The following KLF8 variants were observed in gnomAD, a reference collection of about 807,000 sequenced individuals.
KLF8 encodes the protein Krueppel-like factor 8.
In KLF8, 10 loss-of-function variants were observed where a neutral mutation model predicts 18.2. That is an observed-to-expected ratio of 0.55 (90% confidence interval 0.34 to 0.93). KLF8 has a LOEUF of 0.93. Ranked by LOEUF, KLF8 falls within the 40% of genes least tolerant of loss-of-function variation. The probability of loss-of-function intolerance (pLI) is 0.02; values close to 1 mark genes in which losing one functional copy is unlikely to be tolerated. For missense variants in KLF8, 264 were observed against 277.9 expected (o/e 0.95, Z 0.36); for synonymous variants, 109 against 97.3 (o/e 1.12, Z -0.71).
the KLF8 span, among the ~76,000 whole-genome samples, chrX:56,019,163 G>A: frequency 8.9e-6 from 1 of 112,016 alleles, no homozygotes; most frequent in Admixed American, 9.5e-5. Context: ...AAAAAAAATA[G>A]TAACAGCCAG....
chrX:56,029,534 C>T, the KLF8 span, among the ~76,000 whole-genome samples: 5 of 111,177 alleles, frequency 4.5e-5, no homozygotes, highest in African/African-American at 1.6e-4. Context: ...ACGGTATTGA[C>T]CAAAAACTTA....
the KLF8 span, among the ~76,000 whole-genome samples, chrX:55,934,295 C>G: frequency 9.0e-6 from 1 of 111,475 alleles, no homozygotes; most frequent in Non-Finnish European, 1.9e-5. Flanking sequence ...CTATATTTTC[C>G]TCTTAGCACC....
the KLF8 span, among the ~76,000 whole-genome samples, chrX:56,183,638 A>C: frequency 1.8e-5 from 2 of 111,109 alleles, no homozygotes; most frequent in African/African-American, 6.6e-5. Context: ...TGGTAACCTC[A>C]AGTAAAAAAA....
chrX:56,014,820 T>TG, the KLF8 span: 1 of 93,720 alleles, frequency 1.1e-5, no homozygotes, highest in Non-Finnish European at 2.1e-5. Flanking sequence ...AGATCATGTT[T>TG]TTTTTTTTTT....
At chrX:56,077,485 T>C in the KLF8 span, among the ~76,000 whole-genome samples, 2 of 111,955 alleles carry the variant, frequency 1.8e-5, no homozygotes, top group Non-Finnish European at 3.8e-5. Flanking sequence ...GGCTCTATTC[T>C]GTTCCATTGA....
the KLF8 span, among the ~76,000 whole-genome samples, chrX:56,185,829 G>T: frequency 1.8e-5 from 2 of 111,707 alleles, no homozygotes; most frequent in Non-Finnish European, 3.8e-5. Flanking sequence ...AATGCTGAGA[G>T]ATTTTGTCAC....
chrX:56,274,107 A>G (rs1219632706), intron 5 of KLF8, among the ~76,000 whole-genome samples: 1 of 112,036 alleles, frequency 8.9e-6, no homozygotes, highest in Admixed American at 9.5e-5. Flanking sequence ...ATTGTTCTCT[A>G]TAGTGATTGT....
At chrX:56,011,322 C>G in the KLF8 span, among the ~76,000 whole-genome samples, 2 of 112,202 alleles carry the variant, frequency 1.8e-5, no homozygotes, top group Non-Finnish European at 3.8e-5. Context: ...GTAATTCACT[C>G]AAAACCACAC....
the KLF8 span, among the ~76,000 whole-genome samples, chrX:56,091,338 A>G: frequency 9.1e-6 from 1 of 110,449 alleles, no homozygotes; most frequent in African/African-American, 3.3e-5. Context: ...ATCCACCATG[A>G]TTTTAAGTTT....
chrX:56,107,876 A>C, the KLF8 span, among the ~76,000 whole-genome samples: 1 of 111,578 alleles, frequency 9.0e-6, no homozygotes, highest in Non-Finnish European at 1.9e-5. Context: ...GGTCCTCTTT[A>C]ATTTCTTTTA....
intron 2 of KLF8, among the ~76,000 whole-genome samples, chrX:56,262,925 C>T (rs1656031230): frequency 8.9e-6 from 1 of 112,013 alleles, no homozygotes; most frequent in Non-Finnish European, 1.9e-5. Flanking sequence ...GCCCGCCCTA[C>T]ACTGAACCTC....
chrX:56,245,881 A>G (rs1345389432), intron 1 of KLF8, among the ~76,000 whole-genome samples: 2 of 112,447 alleles, frequency 1.8e-5, no homozygotes. Flanking sequence ...TCTTCAAAAA[A>G]AAACAGAGCC....
intron 1 of KLF8, among the ~76,000 whole-genome samples, chrX:56,235,900 A>G (rs1297393364): frequency 8.9e-6 from 1 of 112,301 alleles, no homozygotes; most frequent in Non-Finnish European, 1.9e-5. Context: ...GTTATTTAAA[A>G]AAATTTGTTT....
the KLF8 span, among the ~76,000 whole-genome samples, chrX:55,983,000 T>A: frequency 2.2e-4 from 25 of 111,812 alleles, no homozygotes; most frequent in Admixed American, 2.2e-3. Context: ...ATCTTATTTT[T>A]CAAGTCAACG....
chrX:56,260,040 T>G (rs1292606244), intron 2 of KLF8, among the ~76,000 whole-genome samples: 1 of 110,983 alleles, frequency 9.0e-6, no homozygotes, highest in Non-Finnish European at 1.9e-5. Flanking sequence ...CTCTTCCAGC[T>G]TCTGGTACAT....
At chrX:56,145,474 A>G in the KLF8 span, among the ~76,000 whole-genome samples, 3 of 112,694 alleles carry the variant, frequency 2.7e-5, no homozygotes, top group Admixed American at 2.8e-4. Flanking sequence ...AGAAGAATTG[A>G]AAACAAATGT....
At chrX:56,138,975 G>A in the KLF8 span, among the ~76,000 whole-genome samples, 3 of 111,163 alleles carry the variant, frequency 2.7e-5, no homozygotes, top group South Asian at 7.6e-4. Flanking sequence ...GAAGGTTTTA[G>A]CCTACAAAAT....
At chrX:56,081,011 A>G in the KLF8 span, among the ~76,000 whole-genome samples, 2 of 110,407 alleles carry the variant, frequency 1.8e-5, no homozygotes, top group African/African-American at 6.6e-5. Flanking sequence ...AGCTCCTTTA[A>G]GCACTTCTCT....
At chrX:56,052,932 A>G in the KLF8 span, among the ~76,000 whole-genome samples, 9 of 111,503 alleles carry the variant, frequency 8.1e-5, no homozygotes, top group Non-Finnish European at 1.3e-4. Context: ...CCGTGGGCGT[A>G]GGACCCTCCG....
Sources: gnomAD v4.1 joint callset for allele counts (sites outside exome capture counted in the v4.1 genomes callset) on GRCh38, gnomAD v4.1.1 for gene constraint, MANE v1.5 for transcripts, NCBI Gene and HGNC (gene_info 2026-07-23, HGNC 2026-07-21) for gene names.